KIAA1549L: variants seen among roughly 807,000 people sequenced by gnomAD.
KIAA1549L encodes UPF0606 protein KIAA1549L.
In KIAA1549L, 88 loss-of-function variants were observed where a neutral mutation model predicts 160.7. That is an observed-to-expected ratio of 0.55 (90% CI 0.46 to 0.65). The LOEUF (loss-of-function observed/expected upper bound fraction) is 0.65, where lower values mean the gene tolerates loss of function less well. Ranked by LOEUF, KIAA1549L falls within the 30% of genes least tolerant of loss-of-function variation. KIAA1549L has a pLI of 0.00. For missense variants in KIAA1549L, 2,258 were observed against 2,437.5 expected, an observed-to-expected ratio of 0.93 and a Z score of 1.55; for synonymous variants, 950 against 976.7, an observed-to-expected ratio of 0.97 and a Z score of 0.51.
intron 1 of KIAA1549L, among the ~76,000 whole-genome samples, chr11:33,459,935 T>C (rs1851907036): frequency 8.3e-6 from 1 of 120,936 alleles, no homozygotes; most frequent in South Asian, 2.8e-4. Context: ...CACTCCAGCC[T>C]GGGCGACAGA....
At chr11:33,408,721 A>G (rs1421517119) in intron 1 of KIAA1549L, among the ~76,000 whole-genome samples, 12 of 147,308 alleles carry the variant, frequency 8.1e-5, no homozygotes, top group Admixed American at 7.6e-4. Flanking sequence ...GGATCACATG[A>G]GGCCCGGAGT....
At chr11:33,580,602 G>T (rs949356908) in intron 10 of KIAA1549L, among the ~76,000 whole-genome samples, 11 of 138,390 alleles carry the variant, frequency 7.9e-5, no homozygotes, top group African/African-American at 2.4e-4. Flanking sequence ...GAAAAGAAAA[G>T]AAAAAAAAAG....
intron 1 of KIAA1549L, among the ~76,000 whole-genome samples, chr11:33,395,678 C>T (rs986566812): frequency 6.6e-6 from 1 of 152,114 alleles, no homozygotes; most frequent in East Asian, 1.9e-4. Context: ...AAAAAAACAG[C>T]TGTTTTCAAC....
intron 9 of KIAA1549L, among the ~76,000 whole-genome samples, chr11:33,570,123 C>T (rs1280304085): frequency 6.6e-6 from 1 of 151,956 alleles, no homozygotes; most frequent in Non-Finnish European, 1.5e-5. Context: ...CCTGCCTCAG[C>T]CTCCCGAATA....
In KIAA1549L at chr11:33,618,559, G is replaced by A. The variant is rs780296532; in HGVS notation, c.5306G>A (p.Arg1769Lys). The A allele has an allele frequency of 2.0e-5, 32 of 1,609,154 alleles. No homozygotes were observed. The highest frequency in any genetic ancestry group is 2.6e-5 in the Non-Finnish European group (31 of 1,176,724). The change falls in exon 16 of 21, where the codon AGA (arginine) becomes AAA (lysine). Residue 1769 changes from arginine to lysine, a missense_variant. Physicochemically the swap from Arg to Lys is conservative, Grantham distance 26. Coordinates refer to ENST00000658780, the MANE Select transcript of KIAA1549L (RefSeq NM_012194.3). Reference protein sequence around the residue: ...NRQQMKNSVYRSRQSLNSPSP... With the variant: ...NRQQMKNSVYKSRQSLNSPSP... ...CAACAGATGAAGAACTCTGTCTACAGAAGCCGGCAGTCTCTGAACAGCCCG... is the reference window on the plus strand; with the variant it reads ...CAACAGATGAAGAACTCTGTCTACAAAAGCCGGCAGTCTCTGAACAGCCCG...
intron 1 of KIAA1549L, among the ~76,000 whole-genome samples, chr11:33,408,685 A>G (rs1309002300): frequency 4.0e-5 from 6 of 150,230 alleles, no homozygotes; most frequent in Non-Finnish European, 5.9e-5. Flanking sequence ...CATTTCTGAC[A>G]TCATCTTTAA....
chr11:33,440,215 C>T (rs1362819201), intron 1 of KIAA1549L, among the ~76,000 whole-genome samples: 1 of 144,064 alleles, frequency 6.9e-6, no homozygotes, highest in Non-Finnish European at 1.5e-5. Context: ...TTGCAAGCTC[C>T]ACCTCCCGGG....
Position 33,542,363 on chromosome 11 carries a change from C to A in KIAA1549L, c.800C>A (p.Ser267Tyr), listed in dbSNP as rs1020162878. The change falls in exon 2 of 21, where the codon TCC (serine) becomes TAC (tyrosine). Residue 267 changes from serine to tyrosine, a missense_variant. Ser to Tyr is a moderately radical substitution (Grantham distance 144). Around this residue, in one of 6 missense-constraint regions of KIAA1549L, gnomAD observed 540 missense variants for 465.7 expected, o/e 1.16. Coordinates refer to ENST00000658780, the MANE Select transcript of KIAA1549L (RefSeq NM_012194.3). The stretch of plus-strand genomic sequence containing the variant: ...ATCATCTCTGAGCCAGCAGAGCAAT[C>A]CCCCAAAGTGCTGTTAGTTCCCCAA... Reference protein sequence around the residue: ...HSIISEPAEQSPKVLLVPQTA... With the variant: ...HSIISEPAEQYPKVLLVPQTA... 1.6e-5 allele frequency: 15 copies of A among 948,604 alleles called. No individual in the cohort carries two copies. In the African/African-American group the frequency reaches 2.1e-4, roughly 14 times the overall value. The allele number at this position is 948,604 out of a possible 1,614,324, so 58.8% of individuals were successfully genotyped here.
chr11:33,439,181 G>A (rs951557687), intron 1 of KIAA1549L, among the ~76,000 whole-genome samples: 2 of 152,066 alleles, frequency 1.3e-5, no homozygotes, highest in Non-Finnish European at 2.9e-5. Flanking sequence ...CAAAGTGCTG[G>A]GATTACGGGT....
chr11:33,570,036 C>T (rs983417551), intron 9 of KIAA1549L, among the ~76,000 whole-genome samples: 3 of 143,052 alleles, frequency 2.1e-5, no homozygotes, highest in Non-Finnish European at 4.5e-5. Context: ...CGGAGTCTCA[C>T]TCTGTCATCC....
intron 1 of KIAA1549L, among the ~76,000 whole-genome samples, chr11:33,435,830 A>ATATATGTATATATATATG (rs1851364262): frequency 2.3e-5 from 1 of 43,388 alleles, no homozygotes; most frequent in Non-Finnish European, 4.2e-5. Context: ...ATATATATAT[A>ATATATGTATATATATATG]TGTATATGTA....
chr11:33,666,916 T>G (rs1852476627), intron 20 of KIAA1549L, among the ~76,000 whole-genome samples: 1 of 152,216 alleles, frequency 6.6e-6, no homozygotes, highest in Non-Finnish European at 1.5e-5. Flanking sequence ...CTTTGAGAAC[T>G]AAATGAGATA....
At chr11:33,641,550 A>G (rs1264026238) in intron 16 of KIAA1549L, among the ~76,000 whole-genome samples, 1 of 98,860 alleles carries the variant, frequency 1.0e-5, no homozygotes, top group African/African-American at 4.2e-5. Context: ...AGAGCCCACA[A>G]CTATAGTATG....
At chr11:33,667,516 C>T (rs891243512) in intron 20 of KIAA1549L, among the ~76,000 whole-genome samples, 1 of 151,948 alleles carries the variant, frequency 6.6e-6, no homozygotes, top group African/African-American at 2.4e-5. Flanking sequence ...CTTCAGCCTC[C>T]CAAGTAGCTG....
chr11:33,416,622 C>T (rs1255480421), intron 1 of KIAA1549L, among the ~76,000 whole-genome samples: 1 of 152,052 alleles, frequency 6.6e-6, no homozygotes, highest in Non-Finnish European at 1.5e-5. Context: ...GCAAATACTA[C>T]ACCATTTTAT....
chr11:33,662,045 C>T (rs912369723), intron 20 of KIAA1549L, among the ~76,000 whole-genome samples: 2 of 152,128 alleles, frequency 1.3e-5, no homozygotes. Flanking sequence ...CCCTCTCCTC[C>T]GTTAAAAGAG....
At chr11:33,610,390 C>T (rs1044261268) in intron 15 of KIAA1549L, among the ~76,000 whole-genome samples, 3 of 152,218 alleles carry the variant, frequency 2.0e-5, no homozygotes, top group Admixed American at 6.5e-5. Flanking sequence ...ACTTACTGCA[C>T]AGGTGCTCAG....
In KIAA1549L at chr11:33,376,747, G is replaced by C. The variant is rs1200272662; in HGVS notation, c.96G>C (p.Arg32=). Residue 32 remains arginine, a synonymous_variant, in exon 1 of 21, where the codon CGG becomes CGC. Transcript: ENST00000658780. The surrounding 1 kb of genome is among the most constrained non-coding windows in gnomAD (Gnocchi z 5.8). ...GGCCCGTGGCGCGTGGGCTTGGTCG[G>C]GCTGCCTGGGGAGCCGCGCGCTGCA... ...GGRPVARGLG[R]AAWGAARCTG... is the part of the protein sequence containing the mutation. 1 of 151,502 alleles carries C rather than the reference G, an allele frequency of 6.6e-6. No homozygotes were observed. Among genetic ancestry groups the C allele is most frequent in the Admixed American group, 6.6e-5 (1 of 15,190 alleles). 9.4% of individuals were successfully genotyped at this position (151,502 alleles called of 1,614,324 possible).
At chr11:33,461,352 C>T (rs547454115) in intron 1 of KIAA1549L, among the ~76,000 whole-genome samples, 24 of 152,314 alleles carry the variant, frequency 1.6e-4, no homozygotes, top group African/African-American at 5.1e-4. Flanking sequence ...CTATCATCCT[C>T]ATTTTATAAA....
Sources: allele counts gnomAD v4.1 joint callset (sites outside exome capture counted in the v4.1 genomes callset), GRCh38; gene constraint gnomAD v4.1.1; regional missense constraint gnomAD v4.1.1; non-coding constraint Gnocchi (gnomAD v3.1); transcripts MANE v1.5; gene names NCBI Gene and HGNC (gene_info 2026-07-23, HGNC 2026-07-21).